NALCN: variants seen among roughly 807,000 people sequenced by gnomAD.
NALCN encodes sodium leak channel NALCN.
In NALCN, 111 loss-of-function variants were observed where a neutral mutation model predicts 225.3. The ratio of observed to expected loss-of-function variants is 0.49; its 90% CI spans 0.42 to 0.58. The LOEUF (loss-of-function observed/expected upper bound fraction) is 0.58, where lower values mean the gene tolerates loss of function less well. Among genes scored for constraint, NALCN ranks in the 20% least tolerant of loss-of-function variants. The pLI is 0.00. For missense variants in NALCN, 1,378 were observed against 2,202.4 expected (o/e 0.63, Z 7.49); for synonymous variants, 764 against 769.0 (o/e 0.99, Z 0.11).
At chr13:101,334,827 G>T (rs1456164328) in intron 7 of NALCN, among the ~76,000 whole-genome samples, 1 of 152,004 alleles carries the variant, frequency 6.6e-6, no homozygotes, top group Non-Finnish European at 1.5e-5. Flanking sequence ...AGTAAGGGAA[G>T]AATGAAAAAC....
intron 22 of NALCN, among the ~76,000 whole-genome samples, chr13:101,105,494 C>T (rs1451856760): frequency 6.6e-6 from 1 of 152,044 alleles, no homozygotes; most frequent in East Asian, 1.9e-4. Flanking sequence ...TGTATGTGTC[C>T]CCAATTACAA....
intron 7 of NALCN, among the ~76,000 whole-genome samples, chr13:101,304,968 A>G (rs1166722501): frequency 2.7e-5 from 4 of 150,802 alleles, no homozygotes; most frequent in Non-Finnish European, 5.9e-5. Context: ...TGTTGGCCAG[A>G]CTGGTCTTGA....
At chr13:101,276,913 T>C (rs1407515600) in intron 10 of NALCN, among the ~76,000 whole-genome samples, 1 of 152,176 alleles carries the variant, frequency 6.6e-6, no homozygotes, top group Non-Finnish European at 1.5e-5. Flanking sequence ...TCAGAATCAC[T>C]GCCCATTGAA....
chr13:101,137,871 G>T (rs1050310167), intron 17 of NALCN, among the ~76,000 whole-genome samples: 7 of 152,170 alleles, frequency 4.6e-5, no homozygotes, highest in Non-Finnish European at 8.8e-5. Context: ...GCAATGCTAG[G>T]TATTTAACAT....
chr13:101,281,958 T>C (rs1183023114), intron 10 of NALCN, among the ~76,000 whole-genome samples: 3 of 152,170 alleles, frequency 2.0e-5, no homozygotes, highest in African/African-American at 4.8e-5. Context: ...CACATTGAGA[T>C]ATCACCTCAT....
chr13:101,396,871 T>C (rs553954363), intron 2 of NALCN, among the ~76,000 whole-genome samples: 1 of 151,634 alleles, frequency 6.6e-6, no homozygotes, highest in Non-Finnish European at 1.5e-5. Context: ...TCTTCATAAG[T>C]TTGTAGAAAG....
intron 7 of NALCN, among the ~76,000 whole-genome samples, chr13:101,325,543 G>T (rs924334348): frequency 2.0e-5 from 3 of 152,100 alleles, no homozygotes; most frequent in African/African-American, 4.8e-5. Context: ...CCATTTTCAG[G>T]GGGCAAAGGG....
chr13:101,253,514 T>A (rs541732107), intron 11 of NALCN, among the ~76,000 whole-genome samples: 1 of 152,356 alleles, frequency 6.6e-6, no homozygotes, highest in African/African-American at 2.4e-5. Flanking sequence ...GCTGTTATTA[T>A]AACTATTTTG....
chr13:101,122,944 G>A (rs1477295539), intron 18 of NALCN, among the ~76,000 whole-genome samples: 3 of 152,170 alleles, frequency 2.0e-5, no homozygotes, highest in Admixed American at 6.5e-5. Flanking sequence ...AGGTGGGAAC[G>A]GTCCTTTTGC....
intron 10 of NALCN, among the ~76,000 whole-genome samples, chr13:101,263,540 CT>C (rs2042501143): frequency 6.6e-6 from 1 of 152,122 alleles, no homozygotes; most frequent in African/African-American, 2.4e-5. Flanking sequence ...CTTAAGTAAA[CT>C]GTTATTACTG....
intron 7 of NALCN, among the ~76,000 whole-genome samples, chr13:101,293,317 T>C (rs931672813): frequency 3.9e-5 from 6 of 152,234 alleles, no homozygotes; most frequent in Non-Finnish European, 7.3e-5. Context: ...ACTTAATTCC[T>C]GTAAATCACA....
chr13:101,079,449 A>C (rs573674179), intron 34 of NALCN, among the ~76,000 whole-genome samples: 2 of 152,178 alleles, frequency 1.3e-5, no homozygotes, highest in Non-Finnish European at 2.9e-5. Context: ...TTTCCATCAC[A>C]GGGACAACTA....
At chr13:101,202,987 C>A (rs1047326662) in intron 13 of NALCN, among the ~76,000 whole-genome samples, 1 of 152,192 alleles carries the variant, frequency 6.6e-6, no homozygotes, top group Non-Finnish European at 1.5e-5. Context: ...ACTTACTTAA[C>A]GGCTTTGGGA....
chr13:101,091,482 T>G (rs1206060379), intron 28 of NALCN, among the ~76,000 whole-genome samples: 1 of 152,228 alleles, frequency 6.6e-6, no homozygotes, highest in Non-Finnish European at 1.5e-5. Flanking sequence ...GATTTGTTCT[T>G]AAGGGCTTAG....
chr13:101,325,398 C>T (rs1364323953), intron 7 of NALCN, among the ~76,000 whole-genome samples: 3 of 152,086 alleles, frequency 2.0e-5, no homozygotes, highest in Middle Eastern at 3.2e-3. Context: ...TTTTTCTCTC[C>T]TTATTACAAT....
upstream of NALCN, among the ~76,000 whole-genome samples, chr13:101,416,885 A>C (rs185419293): frequency 5.1e-4 from 78 of 152,210 alleles, no homozygotes; most frequent in African/African-American, 1.8e-3. Flanking sequence ...TGCGAGCGTG[A>C]GGTCAGACTG....
intron 11 of NALCN, among the ~76,000 whole-genome samples, chr13:101,257,209 G>GT (rs34334262): frequency 0.022 from 2,652 of 121,054 alleles, 96 homozygotes; most frequent in African/African-American, 0.055. Context: ...ATTGTTTATT[G>GT]TTTTTTTTTT....
chr13:101,376,106 A>G (rs1369414908), intron 6 of NALCN, among the ~76,000 whole-genome samples: 1 of 152,204 alleles, frequency 6.6e-6, no homozygotes, highest in Non-Finnish European at 1.5e-5. Context: ...ATCATTTAGG[A>G]AACTATTTTA....
chr13:101,408,092 G>T (rs1049157687), intron 1 of NALCN, among the ~76,000 whole-genome samples: 2 of 152,160 alleles, frequency 1.3e-5, no homozygotes, highest in African/African-American at 4.8e-5. Context: ...AGGGAGCCAG[G>T]TCTTTCTGAT....
Sources: gnomAD v4.1 joint callset for allele counts (sites outside exome capture counted in the v4.1 genomes callset) on GRCh38, gnomAD v4.1.1 for gene constraint, MANE v1.5 for transcripts, NCBI Gene and HGNC (gene_info 2026-07-23, HGNC 2026-07-21) for gene names.